The following DDX54 variants were observed in gnomAD, a reference collection of about 807,000 sequenced individuals.
The protein encoded by DDX54 is DEAD-box helicase 54.
A neutral mutation model predicts 105.5 loss-of-function variants in DDX54; 67 were observed. The observed-to-expected ratio is 0.64, with a 90% CI of 0.52 to 0.78. The LOEUF (loss-of-function observed/expected upper bound fraction) is 0.78, where lower values mean the gene tolerates loss of function less well. DDX54 is among the 30% of genes least tolerant of loss of function. The probability of loss-of-function intolerance (pLI) is 0.00; values close to 1 mark genes in which losing one functional copy is unlikely to be tolerated. For missense variants in DDX54, 1,206 were observed against 1,230.5 expected (o/e 0.98, Z 0.30); for synonymous variants, 514 against 509.9 (o/e 1.01, Z -0.11).
chr12:113,177,985 C>T (rs1047593269), intron 5 of DDX54, among the ~76,000 whole-genome samples: 3 of 152,198 alleles, frequency 2.0e-5, no homozygotes, highest in African/African-American at 7.2e-5. Flanking sequence ...GCCTGTAATC[C>T]CAACACTTTG....
intron 10 of DDX54, among the ~76,000 whole-genome samples, chr12:113,173,447 A>C (rs1162006585): frequency 6.6e-6 from 1 of 152,192 alleles, no homozygotes; most frequent in Non-Finnish European, 1.5e-5. Context: ...CTGTGTGTGG[A>C]GTAAGTGAAA....
In DDX54 at chr12:113,158,785, A is replaced by G. The variant is rs1458364346; in HGVS notation, c.*92T>C. 1.5e-6 allele frequency: 2 copies of G among 1,367,452 alleles called. No individual in the cohort carries two copies. Among genetic ancestry groups the G allele is most frequent in the East Asian group, 2.4e-5 (1 of 41,322 alleles). The allele number at this position is 1,367,452 out of a possible 1,614,324, so 84.7% of individuals were successfully genotyped here. ...CCTGCAGGGAGTGCCCCCAGTGCCC[A>G]GCACAGGGCCAGGCACACAGTGGTG... On this transcript the variant is annotated 3_prime_UTR_variant, in exon 20 of 20. Coordinates refer to ENST00000306014, the MANE Select transcript of DDX54 (RefSeq NM_024072.4). This position sits in a 1 kb window ranked among gnomAD's most constrained non-coding sequence, Gnocchi z 4.9.
chr12:113,163,060 T>A lies in DDX54; in HGVS notation c.2082-15A>T. Reference sequence around the variant, plus strand: ...TGATGCTCAGGCTGCAGAGGGAGAGTGGGAGACATAATTGGATTGATGGGA... The same window carrying A: ...TGATGCTCAGGCTGCAGAGGGAGAGAGGGAGACATAATTGGATTGATGGGA... On this transcript the variant is annotated splice_polypyrimidine_tract_variant and intron_variant, in intron 16 of 19. Transcript: ENST00000306014. The surrounding 1 kb of genome is among the most constrained non-coding windows in gnomAD (Gnocchi z 5.9). 6.2e-7 allele frequency: 1 copy of A among 1,607,334 alleles called. No homozygotes were observed. Among genetic ancestry groups the A allele is most frequent in the South Asian group, 1.1e-5 (1 of 90,502 alleles).
Position 113,163,024 on chromosome 12 carries a change from C to G in DDX54, c.2103G>C (p.Gly701=). 6.2e-7 allele frequency: 1 copy of G among 1,609,536 alleles called. No individual in the cohort carries two copies. Among genetic ancestry groups the G allele is most frequent in the Non-Finnish European group, 8.5e-7 (1 of 1,179,536 alleles). ...SERGLSISGE[G]GAFEQQAAGA... is the part of the protein sequence containing the mutation. ...CAGCTGCCTGCTGCTCAAAGGCTCC[C>G]CCTTCCCCGCTGATGCTCAGGCTGC... The change falls in exon 17 of 20, where the codon GGG becomes GGC. Residue 701 remains glycine, a synonymous_variant. Coordinates refer to ENST00000306014, the MANE Select transcript of DDX54 (RefSeq NM_024072.4). The surrounding 1 kb of genome is among the most constrained non-coding windows in gnomAD (Gnocchi z 5.9).
Position 113,174,861 on chromosome 12 carries a change from A to C in DDX54, c.936+14T>G, listed in dbSNP as rs752775419. 1 of 1,614,050 alleles carries C rather than the reference A, an allele frequency of 6.2e-7. No homozygotes were observed. The highest frequency in any genetic ancestry group is 1.3e-5 in the African/African-American group (1 of 75,066). ...TGGACACAACCTCCTGGGATGGGAC[A>C]GGTGCAGCCTCACCTTCAGCTGCTC... On this transcript the variant is annotated intron_variant, in intron 9 of 19. Coordinates refer to ENST00000306014, the MANE Select transcript of DDX54 (RefSeq NM_024072.4).
Position 113,172,469 on chromosome 12 carries a change from T to C in DDX54, c.1163A>G (p.Lys388Arg). 1 of 1,614,262 alleles carries C rather than the reference T, an allele frequency of 6.2e-7. No homozygotes were observed. The highest frequency in any genetic ancestry group is 8.5e-7 in the Non-Finnish European group (1 of 1,180,048). ...GTCAGTCACAATGAGAGTGGAGCACTTGCCAAGCGTGAATTTGGCGAGATT... is the reference window on the plus strand; with the variant it reads ...GTCAGTCACAATGAGAGTGGAGCACCTGCCAAGCGTGAATTTGGCGAGATT... ...KINLAKFTLGKCSTLIVTDLA... is the reference protein window; with the variant it reads ...KINLAKFTLGRCSTLIVTDLA... Residue 388 changes from lysine (K) to arginine (R), a missense_variant, in exon 11 of 20, where the codon AAG becomes AGG. Lys to Arg is a conservative substitution (Grantham distance 26). Coordinates refer to ENST00000306014, the MANE Select transcript of DDX54 (RefSeq NM_024072.4).
chr12:113,167,739 G>A (rs1014872183), intron 12 of DDX54, among the ~76,000 whole-genome samples: 2 of 152,198 alleles, frequency 1.3e-5, no homozygotes, highest in Admixed American at 6.5e-5. Context: ...TAACTGCACC[G>A]GGGGTGGTTT....
At chr12:113,171,646 A>T (rs1351203118) in intron 11 of DDX54, among the ~76,000 whole-genome samples, 1 of 152,054 alleles carries the variant, frequency 6.6e-6, no homozygotes, top group Admixed American at 6.6e-5. Context: ...TGACAGTTGC[A>T]CAATGGGAAC....
At chr12:113,176,435 C>T (rs1023624093) in intron 7 of DDX54, among the ~76,000 whole-genome samples, 3 of 152,082 alleles carry the variant, frequency 2.0e-5, no homozygotes, top group Non-Finnish European at 4.4e-5. Context: ...GGCGTGGTAG[C>T]GCGTACTTGT....
rs147130186 is a variant in DDX54 at position 113,177,092 on chromosome 12, T to A, written c.616A>T (p.Met206Leu). The change falls in exon 6 of 20, where the codon ATG becomes TTG. Residue 206 changes from methionine to leucine, a missense_variant and splice_region_variant. Met to Leu is a conservative substitution (Grantham distance 15, BLOSUM62 2). Coordinates refer to ENST00000306014, the MANE Select transcript of DDX54 (RefSeq NM_024072.4). ...TGCAGGGCTGCAAACTGGTCTTCCATCCTAGAGAGGAGAGAAGGGGTTAGC... is the reference window on the plus strand; with the variant it reads ...TGCAGGGCTGCAAACTGGTCTTCCAACCTAGAGAGGAGAGAAGGGGTTAGC... ...KTALILGGDRMEDQFAALHEN... is the reference protein window; with the variant it reads ...KTALILGGDRLEDQFAALHEN... 1.2e-6 allele frequency: 2 copies of A among 1,614,000 alleles called. No homozygotes were observed. Among genetic ancestry groups the A allele is most frequent in the Non-Finnish European group, 1.7e-6 (2 of 1,179,968 alleles).
chr12:113,164,259 G>A lies in DDX54; in HGVS notation c.1746C>T (p.Ser582=). ...RATIFEINAS[S]RDLCSQVMRA... ...GCATCACCTGGCTGCACAGGTCTCG[G>A]CTGGAGGCGTTGATCTCAAAGATAG... The change falls in exon 15 of 20, where the codon AGC becomes AGT. Residue 582 remains serine (S), a synonymous_variant. Coordinates refer to ENST00000306014, the MANE Select transcript of DDX54 (RefSeq NM_024072.4). The A allele has an allele frequency of 6.3e-7, 1 of 1,595,164 alleles. No homozygotes were observed.
intron 11 of DDX54, among the ~76,000 whole-genome samples, chr12:113,171,281 C>T (rs139855841): frequency 4.6e-5 from 7 of 152,164 alleles, no homozygotes; most frequent in African/African-American, 1.7e-4. Context: ...TTTTGTCTGA[C>T]GGATAGAGCT....
intron 3 of DDX54, 134 bp downstream of exon 3, chr12:113,179,801 C>A: frequency 9.4e-7 from 1 of 1,069,006 alleles, no homozygotes. Flanking sequence ...AGTGGGCACG[C>A]TAGCTGGGGC....
At chr12:113,168,017 G>A (rs539029236) in intron 12 of DDX54, 167 of 474,980 alleles carry the variant, frequency 3.5e-4, no homozygotes, top group East Asian at 1.7e-3. Flanking sequence ...CCCTTTAGGC[G>A]CCCCTTCCAA....
At position 113,179,301 on chromosome 12, in the gene DDX54, C is replaced by T. The variant is rs754693454; in HGVS notation, c.406G>A (p.Val136Met). The T allele has an allele frequency of 2.5e-5, 40 of 1,613,732 alleles. No individual in the cohort carries two copies. The South Asian group carries it at 3.0e-4, about 12-fold the overall frequency. The change falls in exon 4 of 20, where the codon GTG becomes ATG. Residue 136 changes from valine (V) to methionine (M), a missense_variant. By Grantham distance (21) the Val-to-Met change is conservative (BLOSUM62 1). Around this residue, in one of 3 missense-constraint regions of DDX54, gnomAD observed 33 missense variants for 56.0 expected, o/e 0.59. Coordinates refer to ENST00000306014, the MANE Select transcript of DDX54 (RefSeq NM_024072.4). The part of the protein sequence containing the change: ...TIPVILDGKD[V>M]VAMARTGSGK... ...CTGCCCGTCCGGGCCATGGCCACCA[C>T]GTCCTTGCCATCCAAGATCACCGGG...
At chr12:113,170,611 C>T (rs1334381679) in intron 11 of DDX54, among the ~76,000 whole-genome samples, 1 of 152,092 alleles carries the variant, frequency 6.6e-6, no homozygotes, top group African/African-American at 2.4e-5. Flanking sequence ...AGCACTAGAG[C>T]CCAAGCAACA....
At chr12:113,168,331 C>G (rs1412765006) in intron 12 of DDX54, among the ~76,000 whole-genome samples, 2 of 152,206 alleles carry the variant, frequency 1.3e-5, no homozygotes, top group African/African-American at 4.8e-5. Context: ...GCTAGGCTGT[C>G]CGGAGGAAGC....
chr12:113,161,470 T>A, intron 18 of DDX54, 88 bp from the exon 19 acceptor site: 1 of 1,066,436 alleles, frequency 9.4e-7, no homozygotes, highest in Non-Finnish European at 1.4e-6. Flanking sequence ...AGAGTTCCGT[T>A]ATCCCAGCCG....
Position 113,179,140 on chromosome 12 carries a change from C to T in DDX54, c.564+3G>A. On this transcript the variant is annotated splice_donor_region_variant and intron_variant, in intron 4 of 19. Transcript: ENST00000306014. ...TCCAGCCTCTAGCCAAGCTCAGACA[C>T]ACCTCCTTAGTGAACTTCAGGGTCT... The T allele has an allele frequency of 6.2e-7, 1 of 1,613,952 alleles. No individual in the cohort carries two copies.
Sources: allele counts gnomAD v4.1 joint callset (sites outside exome capture counted in the v4.1 genomes callset), GRCh38; gene constraint gnomAD v4.1.1; regional missense constraint gnomAD v4.1.1; non-coding constraint Gnocchi (gnomAD v3.1); transcripts MANE v1.5; gene names NCBI Gene and HGNC (gene_info 2026-07-23, HGNC 2026-07-21).